The following EPB41L4A variants were observed in gnomAD, a reference collection of about 807,000 sequenced individuals.
EPB41L4A encodes band 4.1-like protein 4A.
In EPB41L4A, 100 loss-of-function variants were observed where a neutral mutation model predicts 108.6. The observed-to-expected ratio is 0.92, with a 90% CI of 0.78 to 1.09. The LOEUF (loss-of-function observed/expected upper bound fraction) is 1.09, where lower values mean the gene tolerates loss of function less well. EPB41L4A is among the 50% of genes least tolerant of loss of function. The pLI, the probability that EPB41L4A is intolerant of heterozygous loss-of-function variation, is 0.00. For missense variants in EPB41L4A, 1,030 were observed against 842.7 expected (o/e 1.22, Z -2.75); for synonymous variants, 319 against 289.0 (o/e 1.10, Z -1.05).
chr5:112,178,363 G>C (rs911953290), intron 18 of EPB41L4A, among the ~76,000 whole-genome samples: 4 of 152,114 alleles, frequency 2.6e-5, no homozygotes, highest in African/African-American at 9.7e-5. Context: ...CACTGTTGTA[G>C]ATTTTAACAT....
At position 112,307,564 on chromosome 5, in the gene EPB41L4A, T is replaced by A. The variant is rs1047067054; in HGVS notation, c.100-74A>T. 1.7e-5 allele frequency: 16 copies of A among 935,750 alleles called. No homozygotes were observed. In the African/African-American group the frequency reaches 2.4e-4, roughly 14 times the overall value. 58.0% of individuals were successfully genotyped at this position (935,750 alleles called of 1,614,324 possible). On this transcript the variant is annotated intron_variant, in intron 1 of 22. Transcript: ENST00000261486. ...AAGTAGTACACAGTCATGGTTCTCA[T>A]CTTTTATTAGTTTCACTCACAATAG...
intron 1 of EPB41L4A, among the ~76,000 whole-genome samples, chr5:112,382,140 C>T (rs146652155): frequency 2.0e-5 from 3 of 152,178 alleles, no homozygotes; most frequent in Non-Finnish European, 2.9e-5. Context: ...TCCATTCTGG[C>T]TTTTAAAATT....
chr5:112,260,065 TTAC>T, intron 7 of EPB41L4A, 86 bp from the exon 8 acceptor site: 2 of 991,452 alleles, frequency 2.0e-6, no homozygotes, highest in Non-Finnish European at 3.1e-6. Flanking sequence ...ATATAATTTG[TTAC>T]ATTAATATTG....
chr5:112,184,542 C>T (rs1353312472), intron 17 of EPB41L4A, among the ~76,000 whole-genome samples: 1 of 152,192 alleles, frequency 6.6e-6, no homozygotes, highest in Non-Finnish European at 1.5e-5. Flanking sequence ...TTGAAATACT[C>T]TTAAAAAGTC....
intron 1 of EPB41L4A, among the ~76,000 whole-genome samples, chr5:112,399,761 A>G (rs909592002): frequency 6.6e-6 from 1 of 152,098 alleles, no homozygotes; most frequent in Non-Finnish European, 1.5e-5. Context: ...TCACCTACCT[A>G]GTAACACCAA....
chr5:112,338,279 A>T (rs1476654990), intron 1 of EPB41L4A, among the ~76,000 whole-genome samples: 1 of 152,164 alleles, frequency 6.6e-6, no homozygotes, highest in African/African-American at 2.4e-5. Flanking sequence ...ATAGCAGATC[A>T]GCTTCTCAGA....
intron 1 of EPB41L4A, among the ~76,000 whole-genome samples, chr5:112,400,133 G>T (rs1469097856): frequency 6.6e-6 from 1 of 152,170 alleles, no homozygotes; most frequent in Non-Finnish European, 1.5e-5. Context: ...TATGATCATG[G>T]CCGAAGGTGA....
chr5:112,411,291 G>A (rs548570853), intron 1 of EPB41L4A, among the ~76,000 whole-genome samples: 20 of 152,222 alleles, frequency 1.3e-4, no homozygotes, highest in Non-Finnish European at 2.8e-4. Flanking sequence ...AATGTGAGTA[G>A]ATGCACAAAT....
intron 1 of EPB41L4A, among the ~76,000 whole-genome samples, chr5:112,316,841 C>T (rs1755458364): frequency 6.6e-6 from 1 of 152,184 alleles, no homozygotes; most frequent in African/African-American, 2.4e-5. Context: ...AGGATGGCTT[C>T]ATTCACATAT....
At chr5:112,161,864 G>C, downstream of EPB41L4A, 1 of 273,644 alleles carries the variant, frequency 3.7e-6, no homozygotes, top group Non-Finnish European at 7.3e-6. Context: ...TTTAATGTCA[G>C]TGGTACATTC....
intron 1 of EPB41L4A, among the ~76,000 whole-genome samples, chr5:112,367,417 C>T (rs1219640583): frequency 6.6e-6 from 1 of 152,176 alleles, no homozygotes; most frequent in Non-Finnish European, 1.5e-5. Context: ...TACAAATGCC[C>T]TATCTTCCCT....
chr5:112,301,784 T>C lies in EPB41L4A; in HGVS notation c.204+5602A>G, dbSNP rs568708935. The stretch of plus-strand genomic sequence containing the variant: ...CATAGTATTTTGCTGTTTTAATTAA[T>C]TGTATAGTGACAACCATGGTAATAA... On this transcript the variant is annotated intron_variant, in intron 2 of 22. Coordinates refer to ENST00000261486, the MANE Select transcript of EPB41L4A (RefSeq NM_022140.5). Among the ~76,000 whole-genome samples, 4 of 152,316 alleles carry C rather than the reference T, an allele frequency of 2.6e-5. No homozygotes were observed. In the East Asian group the frequency reaches 7.7e-4, roughly 29 times the overall value.
At chr5:112,261,836 T>C (rs546618743) in intron 7 of EPB41L4A, among the ~76,000 whole-genome samples, 14 of 152,228 alleles carry the variant, frequency 9.2e-5, no homozygotes, top group African/African-American at 2.9e-4. Context: ...AAAATCTATT[T>C]TTTGAAAAAT....
At chr5:112,259,849 C>A (rs1484781796) in intron 8 of EPB41L4A, 42 bp downstream of exon 8, 2 of 1,501,638 alleles carry the variant, frequency 1.3e-6, no homozygotes, top group Non-Finnish European at 1.9e-6. Context: ...TCCCATAAGC[C>A]CAAAACATAG....
chr5:112,275,365 T>C lies in EPB41L4A; in HGVS notation c.296A>G (p.Tyr99Cys), dbSNP rs1752558977. Reference sequence around the variant, plus strand: ...TTTAAGTTTACATGGATCTTCAGCATAGAATTTAATACCAAAATACAAAGT... The same window carrying C: ...TTTAAGTTTACATGGATCTTCAGCACAGAATTTAATACCAAAATACAAAGT... Reference protein sequence around the residue: ...PYTLYFGIKFYAEDPCKLKEE... With the variant: ...PYTLYFGIKFCAEDPCKLKEE... The change falls in exon 4 of 23, where the codon TAT (tyrosine) becomes TGT (cysteine). Residue 99 changes from tyrosine to cysteine, a missense_variant. Tyr to Cys is a radical substitution (Grantham distance 194). Coordinates refer to ENST00000261486, the MANE Select transcript of EPB41L4A (RefSeq NM_022140.5). 3.9e-6 allele frequency: 6 copies of C among 1,555,804 alleles called. No individual in the cohort carries two copies. In the East Asian group the frequency reaches 7.0e-5, roughly 18 times the overall value.
At chr5:112,305,480 G>A (rs1029024454) in intron 2 of EPB41L4A, among the ~76,000 whole-genome samples, 2 of 152,064 alleles carry the variant, frequency 1.3e-5, no homozygotes, top group African/African-American at 2.4e-5. Context: ...TGGTTTTTAA[G>A]ACAATGATTT....
At chr5:112,405,474 G>C (rs1303896239) in intron 1 of EPB41L4A, among the ~76,000 whole-genome samples, 1 of 152,154 alleles carries the variant, frequency 6.6e-6, no homozygotes, top group Admixed American at 6.5e-5. Flanking sequence ...GATAATGCAG[G>C]AGCAAAATTT....
intron 15 of EPB41L4A, among the ~76,000 whole-genome samples, chr5:112,199,713 G>A (rs1447418125): frequency 7.2e-5 from 11 of 152,078 alleles, no homozygotes; most frequent in Non-Finnish European, 1.5e-4. Context: ...CTACTTCTAC[G>A]CAACACATCG....
At chr5:112,183,916 A>G (rs1010893158) in intron 18 of EPB41L4A, 100 bp downstream of exon 18, 3 of 1,370,942 alleles carry the variant, frequency 2.2e-6, no homozygotes, top group Admixed American at 4.1e-5. Context: ...AAACAATGAA[A>G]TAATCCTAGT....
Sources: allele counts gnomAD v4.1 joint callset (sites outside exome capture counted in the v4.1 genomes callset), GRCh38; gene constraint gnomAD v4.1.1; transcripts MANE v1.5; gene names NCBI Gene and HGNC (gene_info 2026-07-23, HGNC 2026-07-21).